The following CDC25C variants were observed in gnomAD, a reference collection of about 807,000 sequenced individuals.
CDC25C encodes cell division cycle 25C, also known as M-phase inducer phosphatase 3.
Under a neutral mutation model 52.5 loss-of-function variants are expected in CDC25C, and 48 were observed. The observed-to-expected ratio is 0.91, with a 90% CI of 0.72 to 1.16. The LOEUF is 1.16. Among genes scored for constraint, CDC25C ranks in the 50% most tolerant of loss-of-function variants. The pLI is 0.00. For missense variants in CDC25C, 510 were observed against 566.1 expected (o/e 0.90, Z 1.01); for synonymous variants, 187 against 206.5 (o/e 0.91, Z 0.81).
intron 7 of CDC25C, among the ~76,000 whole-genome samples, chr5:138,317,303 C>T (rs1245364193): frequency 6.6e-6 from 1 of 152,028 alleles, no homozygotes; most frequent in Non-Finnish European, 1.5e-5. Context: ...CTCCACTATA[C>T]CATACTGGCC....
chr5:138,296,979 C>T (rs575837002), intron 7 of CDC25C, among the ~76,000 whole-genome samples: 5 of 142,902 alleles, frequency 3.5e-5, no homozygotes, highest in African/African-American at 7.9e-5. Context: ...GGCACGATCT[C>T]GGCTCACTGC....
chr5:138,331,198 C>T lies in CDC25C; in HGVS notation c.-18G>A, dbSNP rs373161175. On this transcript the variant is annotated 5_prime_UTR_variant, in exon 2 of 14. Coordinates refer to ENST00000323760, the MANE Select transcript of CDC25C (RefSeq NM_001790.5). ...GTAGACATGGTCTTCGAATTCTCAC[C>T]AGGAGAAAAACAAAACCTAGCTAGG... The T allele has an allele frequency of 6.2e-7, 1 of 1,613,196 alleles. No homozygotes were observed. The highest frequency in any genetic ancestry group is 8.5e-7 in the Non-Finnish European group (1 of 1,179,350).
intron 7 of CDC25C, among the ~76,000 whole-genome samples, chr5:138,313,377 C>A (rs62380883): frequency 5.7e-5 from 5 of 87,726 alleles, no homozygotes; most frequent in Non-Finnish European, 8.2e-5. Flanking sequence ...GACTATATCT[C>A]ACAAAAAAAA....
chr5:138,309,501 G>GT (rs1758281133), intron 7 of CDC25C, among the ~76,000 whole-genome samples: 1 of 149,988 alleles, frequency 6.7e-6, no homozygotes, highest in Non-Finnish European at 1.5e-5. Context: ...AAGTTGCAGT[G>GT]AGCCGAGATC....
intron 7 of CDC25C, among the ~76,000 whole-genome samples, chr5:138,307,376 C>A (rs1239864208): frequency 6.7e-6 from 1 of 150,222 alleles, no homozygotes; most frequent in Admixed American, 6.7e-5. Context: ...CCTGTAGTCC[C>A]AGCTACTCGG....
intron 6 of CDC25C, among the ~76,000 whole-genome samples, 180 bp from the exon 7 acceptor site, chr5:138,319,554 A>G (rs949728142): frequency 1.3e-5 from 2 of 152,222 alleles, no homozygotes; most frequent in South Asian, 2.1e-4. Context: ...ATTGGTCTTC[A>G]TCAAAATGGA....
chr5:138,325,046 G>T (rs1580808780), intron 6 of CDC25C, among the ~76,000 whole-genome samples: 1 of 152,192 alleles, frequency 6.6e-6, no homozygotes. Context: ...CTCCAGCCTG[G>T]GCGATGGAGC....
intron 7 of CDC25C, among the ~76,000 whole-genome samples, chr5:138,313,995 C>CTTTCTTTCTTTCTTTCTTTCT (rs1554117939): frequency 1.1e-4 from 12 of 112,682 alleles, no homozygotes; most frequent in South Asian, 6.0e-4. Flanking sequence ...TTCTTTCTTT[C>CTTTCTTTCTTTCTTTCTTTCT]TTTTTTTTTT....
chr5:138,337,100 T>C (rs1256570239), intron 1 of CDC25C: 2 of 152,098 alleles, frequency 1.3e-5, no homozygotes, highest in African/African-American at 2.4e-5. Context: ...AAAAAAGAAA[T>C]AGAAAACTTT....
chr5:138,286,207 G>T (rs1294611864), intron 12 of CDC25C, 74 bp from the exon 13 acceptor site: 3 of 1,144,444 alleles, frequency 2.6e-6, no homozygotes, highest in East Asian at 2.4e-5. Context: ...TCACTGGGGA[G>T]GGGGGAGAGG....
chr5:138,312,383 A>T (rs1346354916), intron 7 of CDC25C, among the ~76,000 whole-genome samples: 1 of 152,222 alleles, frequency 6.6e-6, no homozygotes, highest in Non-Finnish European at 1.5e-5. Context: ...AAAGTAAAAG[A>T]ACTGAAAGCA....
chr5:138,293,935 C>A (rs1475739060), intron 7 of CDC25C, among the ~76,000 whole-genome samples: 1 of 152,078 alleles, frequency 6.6e-6, no homozygotes, highest in Non-Finnish European at 1.5e-5. Flanking sequence ...GCATGAGCCA[C>A]CACGCCCAGT....
At chr5:138,294,823 A>AT (rs756479104) in intron 7 of CDC25C, among the ~76,000 whole-genome samples, 1 of 148,400 alleles carries the variant, frequency 6.7e-6, no homozygotes, top group East Asian at 2.0e-4. Flanking sequence ...TAATTTTCCT[A>AT]TTTTTAGTAG....
chr5:138,320,721 C>A (rs1328367750), intron 6 of CDC25C, among the ~76,000 whole-genome samples: 1 of 151,622 alleles, frequency 6.6e-6, no homozygotes, highest in Non-Finnish European at 1.5e-5. Flanking sequence ...TAAGACCAGC[C>A]TGGCCAACAT....
chr5:138,329,834 G>A (rs1470019422), intron 2 of CDC25C, among the ~76,000 whole-genome samples, 187 bp from the exon 3 acceptor site: 1 of 148,232 alleles, frequency 6.7e-6, no homozygotes, highest in Non-Finnish European at 1.5e-5. Flanking sequence ...GGGTTCAAGC[G>A]ATTCTCCTGC....
chr5:138,324,790 G>A (rs530765843), intron 6 of CDC25C, among the ~76,000 whole-genome samples: 9 of 151,756 alleles, frequency 5.9e-5, no homozygotes, highest in Non-Finnish European at 8.8e-5. Flanking sequence ...GTGATTATAG[G>A]CCAGGCAGTG....
intron 10 of CDC25C, among the ~76,000 whole-genome samples, chr5:138,288,152 C>T (rs993856252): frequency 2.0e-5 from 3 of 152,040 alleles, no homozygotes; most frequent in South Asian, 2.1e-4. Context: ...CTTGGCTCAC[C>T]GCAACCTCTG....
intron 4 of CDC25C, among the ~76,000 whole-genome samples, chr5:138,327,059 G>A (rs564866690): frequency 4.0e-5 from 6 of 150,640 alleles, no homozygotes; most frequent in South Asian, 2.1e-4. Flanking sequence ...GATAGAGACC[G>A]TCCTGGCCAA....
intron 7 of CDC25C, among the ~76,000 whole-genome samples, chr5:138,314,245 C>A (rs1205898195): frequency 6.6e-6 from 1 of 151,660 alleles, no homozygotes; most frequent in East Asian, 1.9e-4. Context: ...GATCCACCTG[C>A]CTTGGCCTCT....
Sources: gnomAD v4.1 joint callset for allele counts (sites outside exome capture counted in the v4.1 genomes callset) on GRCh38, gnomAD v4.1.1 for gene constraint, MANE v1.5 for transcripts, NCBI Gene and HGNC (gene_info 2026-07-23, HGNC 2026-07-21) for gene names.